The following GPRC6A variants were observed in gnomAD, a reference collection of about 807,000 sequenced individuals.
GPRC6A encodes G protein-coupled receptor family C group 6 member A.
GPRC6A carries 54 observed loss-of-function variants against 47.0 expected under a neutral mutation model. That is an observed-to-expected ratio of 1.15 (90% CI 0.92 to 1.44). The LOEUF (loss-of-function observed/expected upper bound fraction) is 1.44, where lower values mean the gene tolerates loss of function less well. Ranked by LOEUF, GPRC6A falls within the 40% of genes most tolerant of loss-of-function variation. The pLI is 0.00. For missense variants in GPRC6A, 1,112 were observed against 1,105.5 expected (o/e 1.01, Z -0.08); for synonymous variants, 347 against 377.1 (o/e 0.92, Z 0.93).
At chr6:116,825,954 C>A (rs1243631266) in intron 1 of GPRC6A, among the ~76,000 whole-genome samples, 1 of 151,672 alleles carries the variant, frequency 6.6e-6, no homozygotes, top group Non-Finnish European at 1.5e-5. Flanking sequence ...GGGGAAAGGA[C>A]TTCAATAAAT....
chr6:116,821,698 C>G (rs1257964178), intron 1 of GPRC6A, among the ~76,000 whole-genome samples: 1 of 151,948 alleles, frequency 6.6e-6, no homozygotes. Context: ...ACACCTTAGA[C>G]AAAAATCAAT....
At position 116,792,752 on chromosome 6, in the gene GPRC6A, A is replaced by G; in HGVS notation, c.2171T>C (p.Ile724Thr). The change falls in exon 6 of 6, where the codon ATC becomes ACC. Residue 724 changes from isoleucine to threonine, a missense_variant. Ile to Thr is a moderately conservative substitution (Grantham distance 89). Coordinates refer to ENST00000310357, the MANE Select transcript of GPRC6A (RefSeq NM_148963.4). Reference sequence around the variant, plus strand: ...CACCTCTACAGTAGGTGCTGCAAAGATTAGCCAGAGTGTGCAAATGACAAC... The same window carrying G: ...CACCTCTACAGTAGGTGCTGCAAAGGTTAGCCAGAGTGTGCAAATGACAAC... ...IQVVICTLWL[I>T]FAAPTVEVNV... The G allele has an allele frequency of 1.2e-6, 2 of 1,614,004 alleles. No homozygotes were observed. The highest frequency in any genetic ancestry group is 1.1e-5 in the South Asian group (1 of 91,072).
At chr6:116,795,919 A>T in intron 4 of GPRC6A, 84 bp from the exon 5 acceptor site, 1 of 860,052 alleles carries the variant, frequency 1.2e-6, no homozygotes, top group African/African-American at 1.7e-5. Context: ...TAACTTAAAG[A>T]TATATTTACT....
At chr6:116,817,089 CA>C in intron 1 of GPRC6A, among the ~76,000 whole-genome samples, 1 of 152,236 alleles carries the variant, frequency 6.6e-6, no homozygotes, top group South Asian at 2.1e-4. Context: ...GGGCAGGGCA[CA>C]GACAAACAAA....
intron 1 of GPRC6A, among the ~76,000 whole-genome samples, chr6:116,827,457 T>G (rs1773712302): frequency 6.6e-6 from 1 of 152,036 alleles, no homozygotes; most frequent in African/African-American, 2.4e-5. Context: ...TGGAACCTCC[T>G]TGGTGTATTC....
At chr6:116,823,541 T>C (rs1468454563) in intron 1 of GPRC6A, among the ~76,000 whole-genome samples, 2 of 152,244 alleles carry the variant, frequency 1.3e-5, no homozygotes, top group East Asian at 3.9e-4. Context: ...CTGTCTTCTT[T>C]GGAGCCCTCC....
At chr6:116,812,527 A>C (rs565346092) in intron 1 of GPRC6A, among the ~76,000 whole-genome samples, 1 of 152,330 alleles carries the variant, frequency 6.6e-6, no homozygotes, top group African/African-American at 2.4e-5. Context: ...AAAACAACAT[A>C]GAATATATAA....
chr6:116,822,368 C>A (rs1773520584), intron 1 of GPRC6A, among the ~76,000 whole-genome samples: 1 of 126,314 alleles, frequency 7.9e-6, no homozygotes, highest in Admixed American at 8.5e-5. Context: ...TGGGTATATA[C>A]CCAAAGGATT....
intron 1 of GPRC6A, among the ~76,000 whole-genome samples, chr6:116,817,295 A>C (rs554677690): frequency 6.6e-6 from 1 of 152,284 alleles, no homozygotes; most frequent in South Asian, 2.1e-4. Flanking sequence ...CTCACACGGC[A>C]GCGTATTCCA....
chr6:116,820,861 C>A (rs1204889305), intron 1 of GPRC6A, among the ~76,000 whole-genome samples: 3 of 151,050 alleles, frequency 2.0e-5, no homozygotes, highest in Non-Finnish European at 4.4e-5. Context: ...CTGGCCAGGG[C>A]AATTAGGCAG....
intron 1 of GPRC6A, among the ~76,000 whole-genome samples, chr6:116,824,727 C>G (rs1024884753): frequency 6.6e-6 from 1 of 151,970 alleles, no homozygotes; most frequent in African/African-American, 2.4e-5. Context: ...ATGGAATTCT[C>G]TCTAACTCAT....
At chr6:116,798,961 A>T (rs915273960) in intron 4 of GPRC6A, among the ~76,000 whole-genome samples, 7 of 152,032 alleles carry the variant, frequency 4.6e-5, no homozygotes, top group African/African-American at 1.7e-4. Flanking sequence ...TCTGGGTGAG[A>T]AGTGATTGTA....
At position 116,809,551 on chromosome 6, in the gene GPRC6A, T is replaced by G. The variant is rs1486834605; in HGVS notation, c.261A>C (p.Ser87=). ...MIHSIEMINN[S]TLLPGVKLGY... ...CCAGTTTGACTCCAGGTAAGAGTGT[T>G]GAATTGTTGATCATCTCAATGCTGT... Residue 87 remains serine, a synonymous_variant, in exon 2 of 6, where the codon TCA becomes TCC. Transcript: ENST00000310357. 5.0e-6 allele frequency: 8 copies of G among 1,612,800 alleles called. No individual in the cohort carries two copies. Among genetic ancestry groups the G allele is most frequent in the Non-Finnish European group, 6.8e-6 (8 of 1,179,046 alleles).
intron 1 of GPRC6A, among the ~76,000 whole-genome samples, chr6:116,820,003 G>A (rs1773400650): frequency 6.6e-6 from 1 of 150,572 alleles, no homozygotes; most frequent in Non-Finnish European, 1.5e-5. Flanking sequence ...TCAAATAGAT[G>A]CAATAAAAAA....
rs773390388 is a variant in GPRC6A, at chr6:116,793,005, GAC to G, written c.1916_1917del (p.Cys639SerfsTer21). The stretch of plus-strand genomic sequence containing the variant: ...CTCGTGCTGGCAAAATTGAGGAAAT[GAC>G]AGAGAAGGATCACATAGCAGACTCT... ...GLRVCYVILL[C>X]HFLNFASTSF... is the part of the protein sequence containing the mutation. On this transcript the variant is annotated frameshift_variant, in exon 6 of 6. Coordinates refer to ENST00000310357, the MANE Select transcript of GPRC6A (RefSeq NM_148963.4). LOFTEE classifies it low-confidence loss of function (END_TRUNC). The G allele has an allele frequency of 1.9e-6, 3 of 1,613,958 alleles. No homozygotes were observed. The African/African-American group carries it at 4.0e-5, about 22-fold the overall frequency.
chr6:116,813,925 C>T (rs574948956), intron 1 of GPRC6A, among the ~76,000 whole-genome samples: 1 of 152,028 alleles, frequency 6.6e-6, no homozygotes, highest in South Asian at 2.1e-4. Context: ...AAAACAACCC[C>T]TTCAAAAAGT....
chr6:116,821,109 A>G (rs1208375011), intron 1 of GPRC6A, among the ~76,000 whole-genome samples: 1 of 150,988 alleles, frequency 6.6e-6, no homozygotes, highest in Non-Finnish European at 1.5e-5. Flanking sequence ...CCCATTCACA[A>G]TTGCTTCAAA....
intron 1 of GPRC6A, among the ~76,000 whole-genome samples, chr6:116,820,552 A>G (rs1773430342): frequency 6.7e-6 from 1 of 149,444 alleles, no homozygotes; most frequent in Admixed American, 6.7e-5. Context: ...GGCTGGTTCA[A>G]TATATGCAAA....
At position 116,821,972 on chromosome 6, in the gene GPRC6A, T is replaced by G. The variant is rs1230141654; in HGVS notation, c.194+6848A>C. ...TCACAACCTACTCATCTGACAAAGG[T>G]CTAATATCCAGAATCTACAATGAAC... is the stretch of plus-strand genomic sequence containing the variant. On this transcript the variant is annotated intron_variant, in intron 1 of 5. Transcript: ENST00000310357. 5.2e-4 allele frequency among the ~76,000 whole-genome samples: 76 copies of G among 145,476 alleles called. 1 individual carries two copies. In the South Asian group the frequency reaches 8.8e-3, roughly 17 times the overall value.
Sources: allele counts gnomAD v4.1 joint callset (sites outside exome capture counted in the v4.1 genomes callset), GRCh38; gene constraint gnomAD v4.1.1; transcripts MANE v1.5; gene names NCBI Gene and HGNC (gene_info 2026-07-23, HGNC 2026-07-21).